The following TLR3 variants were observed in gnomAD, a reference collection of about 807,000 sequenced individuals.
TLR3 encodes the protein toll-like receptor 3.
In TLR3, 43 loss-of-function variants were observed where a neutral mutation model predicts 66.4. That is an observed-to-expected ratio of 0.65 (90% CI 0.51 to 0.83). The LOEUF (loss-of-function observed/expected upper bound fraction) is 0.83, where lower values mean the gene tolerates loss of function less well. Ranked by LOEUF, TLR3 falls within the 40% of genes least tolerant of loss-of-function variation. The pLI, the probability that TLR3 is intolerant of heterozygous loss-of-function variation, is 0.00. For missense variants in TLR3, 982 were observed against 1,044.6 expected (o/e 0.94, Z 0.83); for synonymous variants, 397 against 397.2 (o/e 1.00, Z 0.01).
chr4:186,071,149 G>T (rs1412464158), intron 1 of TLR3, among the ~76,000 whole-genome samples: 1 of 152,148 alleles, frequency 6.6e-6, no homozygotes, highest in Non-Finnish European at 1.5e-5. Flanking sequence ...ATTTTTGTGT[G>T]CATGGTTGCA....
In TLR3 at chr4:186,082,609, A is replaced by G; in HGVS notation, c.923A>G (p.Asn308Ser). Residue 308 changes from asparagine (N) to serine (S), a missense_variant, in exon 4 of 5, where the codon AAT (asparagine) becomes AGT (serine). By Grantham distance (46) the Asn-to-Ser change is conservative (BLOSUM62 1). Transcript: ENST00000296795. Reference sequence around the variant, plus strand: ...CTAGAATATTTCTTCCTAGAGTATAATAATATACAGCATTTGTTTTCTCAC... The same window carrying G: ...CTAGAATATTTCTTCCTAGAGTATAGTAATATACAGCATTTGTTTTCTCAC... ...PQLEYFFLEY[N>S]NIQHLFSHSL... 6.2e-7 allele frequency: 1 copy of G among 1,614,144 alleles called. No homozygotes were observed. Among genetic ancestry groups the G allele is most frequent in the Non-Finnish European group, 8.5e-7 (1 of 1,180,006 alleles).
At position 186,079,007 on chromosome 4, in the gene TLR3, G is replaced by A. The variant is rs761510234; in HGVS notation, c.609G>A (p.Glu203=). Residue 203 remains glutamate, a synonymous_variant, in exon 3 of 5, where the codon GAG becomes GAA. Transcript: ENST00000296795. ...IFANSSLKKL[E]LSSNQIKEFS... ...CCAATTCATCTTTAAAAAAATTAGA[G>A]TTGTCATCGAATCAAATTAAAGAGG... 3 of 1,613,756 alleles carry A rather than the reference G, an allele frequency of 1.9e-6. No homozygotes were observed. Among genetic ancestry groups the A allele is most frequent in the East Asian group, 2.2e-5 (1 of 44,860 alleles).
At chr4:186,073,777 AAAAT>A (rs1483177634) in intron 1 of TLR3, among the ~76,000 whole-genome samples, 1 of 152,202 alleles carries the variant, frequency 6.6e-6, no homozygotes, top group African/African-American at 2.4e-5. Context: ...CATCAGTAAG[AAAAT>A]AAATAGGCAA....
In TLR3 at chr4:186,084,189, A is replaced by G. The variant is rs189918217; in HGVS notation, c.2486+17A>G. On this transcript the variant is annotated intron_variant, in intron 4 of 4. Coordinates refer to ENST00000296795, the MANE Select transcript of TLR3 (RefSeq NM_003265.3). Reference sequence around the variant, plus strand: ...ATGCAAAAGGTAGGTAAACATTGTGAAATTTTAAGTGTGTACTTGCTTTTC... The same window carrying G: ...ATGCAAAAGGTAGGTAAACATTGTGGAATTTTAAGTGTGTACTTGCTTTTC... The G allele has an allele frequency of 2.5e-6, 4 of 1,611,990 alleles. No individual in the cohort carries two copies. The highest frequency in any genetic ancestry group is 2.5e-6 in the Non-Finnish European group (3 of 1,178,772).
chr4:186,084,824 T>G lies in TLR3; in HGVS notation c.2666T>G (p.Phe889Cys). Reference protein sequence around the residue: ...WPVQKERIGAFRHKLQVALGS... With the variant: ...WPVQKERIGACRHKLQVALGS... ...GTTCAGAAAGAACGGATAGGTGCCT[T>G]TCGTCATAAATTGCAAGTAGCACTT... The change falls in exon 5 of 5, where the codon TTT (phenylalanine) becomes TGT (cysteine). Residue 889 changes from phenylalanine (F) to cysteine (C), a missense_variant. Around this residue, in one of 3 missense-constraint regions of TLR3, gnomAD observed 666 missense variants for 709.0 expected, o/e 0.94. Coordinates refer to ENST00000296795, the MANE Select transcript of TLR3 (RefSeq NM_003265.3). 1.2e-6 allele frequency: 2 copies of G among 1,614,040 alleles called. No individual in the cohort carries two copies. The highest frequency in any genetic ancestry group is 1.7e-6 in the Non-Finnish European group (2 of 1,179,984).
At position 186,086,362 on chromosome 4, in the gene TLR3, A is replaced by T. The variant is rs1220396915; in HGVS notation, c.*1489A>T. 1 of 152,190 alleles carries T rather than the reference A, an allele frequency of 6.6e-6. No individual in the cohort carries two copies. Among genetic ancestry groups the T allele is most frequent in the East Asian group, 1.9e-4 (1 of 5,196 alleles). The allele number at this position is 152,190 out of a possible 1,614,324, so 9.4% of individuals were successfully genotyped here. ...CTGCTGAATTCAGGGAGCATTTGAG[A>T]TGTCACATTTTGGAACTTTGATTTA... On this transcript the variant is annotated 3_prime_UTR_variant, in exon 5 of 5. Transcript: ENST00000296795.
chr4:186,079,030 A>T lies in TLR3; in HGVS notation c.632A>T (p.Glu211Val), dbSNP rs1341240315. 6 of 1,612,068 alleles carry T rather than the reference A, an allele frequency of 3.7e-6. No homozygotes were observed. The highest frequency in any genetic ancestry group is 1.7e-5 in the Admixed American group (1 of 59,972). ...GAGTTGTCATCGAATCAAATTAAAG[A>T]GGTAAGAAGTAAGGTAAAATTATTT... Reference protein sequence around the residue: ...KLELSSNQIKEFSPGCFHAIG... With the variant: ...KLELSSNQIKVFSPGCFHAIG... Residue 211 changes from glutamate (E) to valine (V), a missense_variant and splice_region_variant, in exon 3 of 5, where the codon GAG (glutamate) becomes GTG (valine). Coordinates refer to ENST00000296795, the MANE Select transcript of TLR3 (RefSeq NM_003265.3).
Position 186,076,610 on chromosome 4 carries a change from C to T in TLR3, c.-7-3C>T. ...CATACTTTTTAATGTTTCTTTTCTA[C>T]AGCAGAATCATGAGACAGACTTTGC... On this transcript the variant is annotated splice_region_variant and splice_polypyrimidine_tract_variant and intron_variant, in intron 1 of 4. Coordinates refer to ENST00000296795, the MANE Select transcript of TLR3 (RefSeq NM_003265.3). 4 of 1,613,768 alleles carry T rather than the reference C, an allele frequency of 2.5e-6. No individual in the cohort carries two copies. The highest frequency in any genetic ancestry group is 3.4e-6 in the Non-Finnish European group (4 of 1,179,686).
Position 186,076,650 on chromosome 4 carries a change from T to C in TLR3, c.31T>C (p.Trp11Arg). MRQTLPCIYF[W>R]GGLLPFGMLC... ...ACAGACTTTGCCTTGTATCTACTTT[T>C]GGGGGGGCCTTTTGCCCTTTGGGAT... Residue 11 changes from tryptophan to arginine, a missense_variant, in exon 2 of 5, where the codon TGG (tryptophan) becomes CGG (arginine). Physicochemically the swap from Trp to Arg is moderately radical, Grantham distance 101 (BLOSUM62 -3). Around this residue, in one of 3 missense-constraint regions of TLR3, gnomAD observed 313 missense variants for 319.0 expected, o/e 0.98. Transcript: ENST00000296795. 1 of 1,614,050 alleles carries C rather than the reference T, an allele frequency of 6.2e-7. No homozygotes were observed. The highest frequency in any genetic ancestry group is 8.5e-7 in the Non-Finnish European group (1 of 1,179,970).
At position 186,076,988 on chromosome 4, in the gene TLR3, G is replaced by A. The variant is rs763487767; in HGVS notation, c.369G>A (p.Thr123=). 21 of 1,614,090 alleles carry A rather than the reference G, an allele frequency of 1.3e-5. No individual in the cohort carries two copies. In the East Asian group the frequency reaches 3.3e-4, roughly 26 times the overall value. The change falls in exon 2 of 5, where the codon ACG becomes ACA. Residue 123 remains threonine (T), a synonymous_variant. Coordinates refer to ENST00000296795, the MANE Select transcript of TLR3 (RefSeq NM_003265.3). ...CTGATAAAACCTTTGCCTTCTGCAC[G>A]AATTTGACTGAACTCCATCTCATGT... ...QLSDKTFAFC[T]NLTELHLMSN... is the part of the protein sequence containing the mutation.
intron 2 of TLR3, 62 bp from the exon 3 acceptor site, chr4:186,078,778 A>G (rs2099302896): frequency 4.9e-6 from 7 of 1,431,676 alleles, no homozygotes; most frequent in Non-Finnish European, 6.8e-6. Context: ...ATGTACTTAC[A>G]TTTAAAAGAA....
Position 186,082,450 on chromosome 4 carries a change from T to C in TLR3, c.764T>C (p.Leu255Pro), listed in dbSNP as rs2099303701. ...LANTSIRNLS[L>P]SNSQLSTTSN... ...AACACAAGCATTCGGAATCTGTCTC[T>C]GAGTAACAGCCAGCTGTCCACCACC... is the stretch of plus-strand genomic sequence containing the variant. Residue 255 changes from leucine (L) to proline (P), a missense_variant, in exon 4 of 5, where the codon CTG becomes CCG. Physicochemically the swap from Leu to Pro is moderately conservative, Grantham distance 98. Transcript: ENST00000296795. The C allele has an allele frequency of 1.9e-6, 3 of 1,614,158 alleles. No homozygotes were observed. Among genetic ancestry groups the C allele is most frequent in the Non-Finnish European group, 1.7e-6 (2 of 1,180,040 alleles).
At chr4:186,079,676 T>C (rs1383109493) in intron 3 of TLR3, among the ~76,000 whole-genome samples, 1 of 152,232 alleles carries the variant, frequency 6.6e-6, no homozygotes, top group Non-Finnish European at 1.5e-5. Flanking sequence ...ATCTTCAAGC[T>C]AATCATTTTC....
chr4:186,087,921 T>C lies in TLR3; in HGVS notation c.*3048T>C, dbSNP rs2150068962. ...GGTGGAAGAGACCTTTTTTGGGTGA[T>C]GAAAGTGCTCTATAATTGGGTTATG... On this transcript the variant is annotated 3_prime_UTR_variant, in exon 5 of 5. Coordinates refer to ENST00000296795, the MANE Select transcript of TLR3 (RefSeq NM_003265.3). 6.6e-6 allele frequency: 1 copy of C among 152,300 alleles called. No individual in the cohort carries two copies. Among genetic ancestry groups the C allele is most frequent in the African/African-American group, 2.4e-5 (1 of 41,558 alleles). The allele number at this position is 152,300 out of a possible 1,614,324, so 9.4% of individuals were successfully genotyped here.
intron 3 of TLR3, among the ~76,000 whole-genome samples, chr4:186,081,365 C>T (rs533698065): frequency 2.5e-4 from 38 of 152,266 alleles, no homozygotes; most frequent in African/African-American, 7.7e-4. Context: ...TGGATTCCTC[C>T]TCTCCCACCT....
In TLR3 at chr4:186,087,013, T is replaced by C. The variant is rs1164066502; in HGVS notation, c.*2140T>C. ...CATTGGTTACTTGGTTTATGCCCTA[T>C]GTAAATGAAGAGGCTAAAGTGAAAT... On this transcript the variant is annotated 3_prime_UTR_variant, in exon 5 of 5. Coordinates refer to ENST00000296795, the MANE Select transcript of TLR3 (RefSeq NM_003265.3). 1.3e-5 allele frequency: 2 copies of C among 152,210 alleles called. No individual in the cohort carries two copies. Among genetic ancestry groups the C allele is most frequent in the South Asian group, 2.1e-4 (1 of 4,832 alleles). 9.4% of individuals were successfully genotyped at this position (152,210 alleles called of 1,614,324 possible). A position where few individuals can be genotyped will look rare whatever the true frequency, so the allele number is the denominator to read the frequency against.
At chr4:186,084,570 A>C (rs1322583170) in intron 4 of TLR3, 75 bp from the exon 5 acceptor site, 1 of 998,348 alleles carries the variant, frequency 1.0e-6, no homozygotes, top group Non-Finnish European at 1.5e-6. Context: ...TAAACTCTAC[A>C]GAGTATTTTT....
intron 1 of TLR3, among the ~76,000 whole-genome samples, chr4:186,070,098 T>G (rs2099301180): frequency 6.6e-6 from 1 of 152,222 alleles, no homozygotes; most frequent in Non-Finnish European, 1.5e-5. Flanking sequence ...CACAAAATAT[T>G]TCCAAAATTC....
At chr4:186,084,570 A>G (rs1322583170) in intron 4 of TLR3, 75 bp from the exon 5 acceptor site, 4 of 998,348 alleles carry the variant, frequency 4.0e-6, no homozygotes, top group Non-Finnish European at 4.6e-6. Context: ...TAAACTCTAC[A>G]GAGTATTTTT....
Sources: gnomAD v4.1 joint callset for allele counts (sites outside exome capture counted in the v4.1 genomes callset) on GRCh38, gnomAD v4.1.1 for gene constraint, gnomAD v4.1.1 regional missense constraint, MANE v1.5 for transcripts, NCBI Gene and HGNC (gene_info 2026-07-23, HGNC 2026-07-21) for gene names.